The following TBC1D5 variants were observed in gnomAD, a reference collection of about 807,000 sequenced individuals.
TBC1D5 encodes the protein TBC1 domain family, member 5.
A neutral mutation model predicts 100.3 loss-of-function variants in TBC1D5; 75 were observed. The observed-to-expected ratio is 0.75, with a 90% confidence interval of 0.62 to 0.91. The LOEUF is 0.91. TBC1D5 is among the 40% of genes least tolerant of loss of function. The probability of loss-of-function intolerance (pLI) is 0.00; values close to 1 mark genes in which losing one functional copy is unlikely to be tolerated. For synonymous variants in TBC1D5, 323 were observed against 325.6 expected, an observed-to-expected ratio of 0.99 and a Z score of 0.09; for missense variants, 910 against 942.4, an observed-to-expected ratio of 0.97 and a Z score of 0.45.
chr3:17,607,614 A>C (rs2061411419), intron 2 of TBC1D5, among the ~76,000 whole-genome samples: 1 of 151,936 alleles, frequency 6.6e-6, no homozygotes, highest in East Asian at 1.9e-4. Context: ...CCTATTCAGC[A>C]TAATTCCTGC....
chr3:17,516,624 A>T (rs932511325), intron 2 of TBC1D5, among the ~76,000 whole-genome samples: 2 of 152,184 alleles, frequency 1.3e-5, no homozygotes, highest in Non-Finnish European at 1.5e-5. Context: ...TTGTAAATGC[A>T]AACTATGTAT....
chr3:17,658,391 G>A (rs1264669012), intron 1 of TBC1D5, among the ~76,000 whole-genome samples: 1 of 152,150 alleles, frequency 6.6e-6, no homozygotes, highest in Non-Finnish European at 1.5e-5. Context: ...TAGAACTTCA[G>A]AAGAAATTAC....
intron 13 of TBC1D5, among the ~76,000 whole-genome samples, chr3:17,337,805 C>T (rs1215245823): frequency 6.6e-6 from 1 of 151,972 alleles, no homozygotes; most frequent in African/African-American, 2.4e-5. Context: ...TAACGAGTAC[C>T]AAAATGGATA....
intron 17 of TBC1D5, among the ~76,000 whole-genome samples, chr3:17,237,312 CT>C (rs762168251): frequency 6.6e-6 from 1 of 152,110 alleles, no homozygotes; most frequent in Admixed American, 6.5e-5. Flanking sequence ...TAGCAGAGTC[CT>C]AGTACTAAAA....
chr3:17,651,015 C>T (rs2065494880), intron 1 of TBC1D5, among the ~76,000 whole-genome samples: 1 of 152,094 alleles, frequency 6.6e-6, no homozygotes, highest in Non-Finnish European at 1.5e-5. Flanking sequence ...AATATGGCAA[C>T]AATACTATTA....
chr3:17,347,509 A>C (rs1260163542), intron 13 of TBC1D5, among the ~76,000 whole-genome samples: 2 of 152,158 alleles, frequency 1.3e-5, no homozygotes, highest in Admixed American at 6.5e-5. Context: ...AAAATTATTG[A>C]CAAGTTACCT....
At chr3:17,549,598 C>T (rs1368949235) in intron 2 of TBC1D5, among the ~76,000 whole-genome samples, 1 of 152,044 alleles carries the variant, frequency 6.6e-6, no homozygotes, top group Non-Finnish European at 1.5e-5. Context: ...AAATATGTAA[C>T]AAGTTGTAAC....
rs573640821 is a variant in TBC1D5 at position 17,370,699 on chromosome 3, T to C, written c.995+1376A>G. Among the ~76,000 whole-genome samples the C allele has an allele frequency of 3.9e-5, 6 of 152,308 alleles. No individual in the cohort carries two copies. In the South Asian group the frequency reaches 1.2e-3, roughly 32 times the overall value. ...GAAGAAAAACAGCTGAGAGTTATTA[T>C]TCATGGAAGACTCTGTATAAAATGA... On this transcript the variant is annotated intron_variant, in intron 13 of 21. Coordinates refer to ENST00000253692, the Ensembl canonical transcript of TBC1D5.
intron 13 of TBC1D5, among the ~76,000 whole-genome samples, chr3:17,347,500 A>C (rs930676728): frequency 3.3e-5 from 5 of 152,200 alleles, no homozygotes; most frequent in African/African-American, 1.2e-4. Context: ...AAATTAAAAA[A>C]AATTATTGAC....
intron 19 of TBC1D5, among the ~76,000 whole-genome samples, chr3:17,175,325 G>A (rs1417516810): frequency 6.6e-6 from 1 of 151,870 alleles, no homozygotes; most frequent in Admixed American, 6.6e-5. Flanking sequence ...TCTCTTAAGT[G>A]AACTGAGTAA....
At chr3:17,718,041 T>C (rs560475704) in intron 1 of TBC1D5, among the ~76,000 whole-genome samples, 8 of 152,094 alleles carry the variant, frequency 5.3e-5, no homozygotes, top group Non-Finnish European at 1.2e-4. Flanking sequence ...ACGAAGTCAA[T>C]AAGACAAGAT....
chr3:17,379,723 A>G (rs1370992757), intron 9 of TBC1D5, among the ~76,000 whole-genome samples: 1 of 152,108 alleles, frequency 6.6e-6, no homozygotes, highest in East Asian at 1.9e-4. Context: ...TACACATACC[A>G]TGCTGTTTTT....
chr3:17,404,658 A>G (rs2093723651), intron 7 of TBC1D5, 36 bp downstream of exon 7: 1 of 1,546,200 alleles, frequency 6.5e-7, no homozygotes, highest in South Asian at 1.2e-5. Context: ...TCTTAGCAGC[A>G]AAAGAGGTTA....
Position 17,492,091 on chromosome 3 carries a change from T to G in TBC1D5, c.97+16383A>C, listed in dbSNP as rs189620020. 2.0e-3 allele frequency among the ~76,000 whole-genome samples: 303 copies of G among 152,354 alleles called. 5 individuals carry two copies. The highest frequency in any genetic ancestry group is 9.3e-4 in the Non-Finnish European group (63 of 68,026). ...TTCTGGTTTATTTGCATAGAGTTGT[T>G]CACAGTATTCTCTGATGGTTGTCTG... On this transcript the variant is annotated intron_variant, in intron 3 of 21. Coordinates refer to ENST00000253692, the Ensembl canonical transcript of TBC1D5.
chr3:17,482,185 C>T (rs543525919), intron 3 of TBC1D5, among the ~76,000 whole-genome samples: 1 of 152,284 alleles, frequency 6.6e-6, no homozygotes, highest in Admixed American at 6.5e-5. Flanking sequence ...ATTTTGATAT[C>T]TGATAACATA....
intron 1 of TBC1D5, among the ~76,000 whole-genome samples, chr3:17,645,683 A>C (rs1371939730): frequency 6.6e-6 from 1 of 152,138 alleles, no homozygotes; most frequent in Non-Finnish European, 1.5e-5. Context: ...AAAAGCTATA[A>C]TCTAGGTACA....
chr3:17,419,129 C>G, intron 4 of TBC1D5, among the ~76,000 whole-genome samples: 1 of 152,196 alleles, frequency 6.6e-6, no homozygotes, highest in East Asian at 1.9e-4. Flanking sequence ...CAAAGACTCT[C>G]TGAAGGGCTC....
At chr3:17,567,157 C>T (rs904066914) in intron 2 of TBC1D5, among the ~76,000 whole-genome samples, 1 of 151,728 alleles carries the variant, frequency 6.6e-6, no homozygotes, top group African/African-American at 2.4e-5. Flanking sequence ...AAAGATGCCT[C>T]AAGTAAATCA....
intron 21 of TBC1D5, among the ~76,000 whole-genome samples, chr3:17,164,406 C>T (rs1233856603): frequency 6.6e-6 from 1 of 152,230 alleles, no homozygotes; most frequent in Non-Finnish European, 1.5e-5. Flanking sequence ...CCATCACAAA[C>T]CCAACATGTG....
Sources: allele counts gnomAD v4.1 joint callset (sites outside exome capture counted in the v4.1 genomes callset), GRCh38; gene constraint gnomAD v4.1.1; transcripts MANE v1.5; gene names NCBI Gene and HGNC (gene_info 2026-07-23, HGNC 2026-07-21).